CHRM3: variants seen among roughly 807,000 people sequenced by gnomAD.
CHRM3 encodes muscarinic acetylcholine receptor M3.
A neutral mutation model predicts 41.8 loss-of-function variants in CHRM3; 11 were observed. The ratio of observed to expected loss-of-function variants is 0.26; its 90% confidence interval spans 0.17 to 0.44. The LOEUF is 0.44. CHRM3 is among the 20% of genes least tolerant of loss of function. The probability of loss-of-function intolerance (pLI) is 1.00; values close to 1 mark genes in which losing one functional copy is unlikely to be tolerated. For missense variants in CHRM3, 571 were observed against 745.4 expected, an observed-to-expected ratio of 0.77 and a Z score of 2.72; for synonymous variants, 297 against 301.4, an observed-to-expected ratio of 0.99 and a Z score of 0.15.
At chr1:239,690,365 G>A (rs942184582) in intron 5 of CHRM3, among the ~76,000 whole-genome samples, 16 of 151,884 alleles carry the variant, frequency 1.1e-4, no homozygotes, top group South Asian at 4.2e-4. Flanking sequence ...GGCTACAGGC[G>A]TGCACCACCA....
At chr1:239,528,822 G>A (rs933948597) in intron 2 of CHRM3, among the ~76,000 whole-genome samples, 1 of 151,178 alleles carries the variant, frequency 6.6e-6, no homozygotes, top group Non-Finnish European at 1.5e-5. Context: ...GAACCTGGGA[G>A]GCGGAAGTTG....
chr1:239,904,308 C>A (rs942759043), intron 6 of CHRM3, among the ~76,000 whole-genome samples: 2 of 152,176 alleles, frequency 1.3e-5, no homozygotes, highest in Non-Finnish European at 2.9e-5. Context: ...CTAAAGAGGA[C>A]CAAATGCCAC....
intron 5 of CHRM3, among the ~76,000 whole-genome samples, chr1:239,815,686 C>A (rs1671518814): frequency 6.6e-6 from 1 of 152,218 alleles, no homozygotes; most frequent in South Asian, 2.1e-4. Context: ...TGGTAACCAA[C>A]TCAAATGCAA....
intron 4 of CHRM3, among the ~76,000 whole-genome samples, chr1:239,676,922 G>T (rs1658059197): frequency 1.3e-5 from 2 of 152,184 alleles, no homozygotes; most frequent in African/African-American, 4.8e-5. Flanking sequence ...GCATAAGTTT[G>T]ATTTTCCTCC....
chr1:239,773,262 C>T (rs989421818), intron 5 of CHRM3, among the ~76,000 whole-genome samples: 3 of 152,004 alleles, frequency 2.0e-5, no homozygotes, highest in African/African-American at 7.2e-5. Flanking sequence ...CAACACAAAC[C>T]AAAGCTTTTT....
chr1:239,844,445 C>T (rs1276109902), intron 6 of CHRM3, among the ~76,000 whole-genome samples: 4 of 152,030 alleles, frequency 2.6e-5, no homozygotes, highest in African/African-American at 9.7e-5. Context: ...GATAGCACAC[C>T]CCATCTCCAC....
chr1:239,847,221 A>G (rs1422343382), intron 6 of CHRM3, among the ~76,000 whole-genome samples: 4 of 152,264 alleles, frequency 2.6e-5, no homozygotes, highest in African/African-American at 9.6e-5. Flanking sequence ...ACTTCCTTTT[A>G]TTTCTCATTC....
chr1:239,636,305 A>G (rs972005072), intron 4 of CHRM3, among the ~76,000 whole-genome samples: 3 of 152,246 alleles, frequency 2.0e-5, no homozygotes, highest in Admixed American at 6.5e-5. Context: ...AGTAACAAAC[A>G]TTCCAGATAA....
intron 5 of CHRM3, among the ~76,000 whole-genome samples, chr1:239,721,582 A>G (rs1662973631): frequency 6.6e-6 from 1 of 151,990 alleles, no homozygotes; most frequent in Non-Finnish European, 1.5e-5. Flanking sequence ...ATTTTAATGA[A>G]GTACAGAAGA....
chr1:239,803,298 G>A (rs1395616989), intron 5 of CHRM3, among the ~76,000 whole-genome samples: 1 of 152,106 alleles, frequency 6.6e-6, no homozygotes, highest in Non-Finnish European at 1.5e-5. Flanking sequence ...TACATTCGGA[G>A]ACCACTTTCC....
intron 5 of CHRM3, among the ~76,000 whole-genome samples, chr1:239,723,486 A>T (rs1043492277): frequency 1.3e-5 from 2 of 151,924 alleles, no homozygotes; most frequent in Non-Finnish European, 2.9e-5. Flanking sequence ...TAATGGGTCA[A>T]TAAGGGTTGC....
intron 6 of CHRM3, among the ~76,000 whole-genome samples, chr1:239,862,635 G>T (rs1675731958): frequency 6.6e-6 from 1 of 152,292 alleles, no homozygotes; most frequent in Admixed American, 6.5e-5. Flanking sequence ...GATAGTTATT[G>T]ATTTGATTTC....
intron 2 of CHRM3, among the ~76,000 whole-genome samples, chr1:239,512,594 C>G (rs1180206320): frequency 6.6e-6 from 1 of 151,990 alleles, no homozygotes; most frequent in African/African-American, 2.4e-5. Flanking sequence ...TCCTTCCTTC[C>G]TTGTACCCTT....
At chr1:239,878,387 A>G (rs1388202733) in intron 6 of CHRM3, among the ~76,000 whole-genome samples, 1 of 152,010 alleles carries the variant, frequency 6.6e-6, no homozygotes. Context: ...TGAAAATCCA[A>G]TGCTGCTGCT....
intron 2 of CHRM3, among the ~76,000 whole-genome samples, chr1:239,500,321 G>A (rs529894095): frequency 5.3e-5 from 8 of 152,038 alleles, no homozygotes; most frequent in South Asian, 2.1e-4. Context: ...TTGCAGGGAC[G>A]TGGATGAAGT....
At chr1:239,532,820 C>A (rs1175756952) in intron 2 of CHRM3, among the ~76,000 whole-genome samples, 1 of 152,060 alleles carries the variant, frequency 6.6e-6, no homozygotes, top group Non-Finnish European at 1.5e-5. Flanking sequence ...GCATAATCAC[C>A]TCTAAGGAAA....
intron 4 of CHRM3, among the ~76,000 whole-genome samples, chr1:239,646,011 C>T (rs1463586299): frequency 6.6e-6 from 1 of 151,962 alleles, no homozygotes; most frequent in African/African-American, 2.4e-5. Context: ...AAACAACATG[C>T]ACAATACATG....
intron 3 of CHRM3, among the ~76,000 whole-genome samples, chr1:239,599,653 A>C (rs1665267717): frequency 6.6e-6 from 1 of 152,190 alleles, no homozygotes; most frequent in Admixed American, 6.5e-5. Flanking sequence ...TGATAAGTCA[A>C]AAATGCATTT....
intron 2 of CHRM3, among the ~76,000 whole-genome samples, chr1:239,540,378 C>G (rs1305278209): frequency 6.6e-6 from 1 of 152,090 alleles, no homozygotes; most frequent in African/African-American, 2.4e-5. Context: ...TCAGAGAAAA[C>G]TTCACTTCAG....
Sources: allele counts gnomAD v4.1 joint callset (sites outside exome capture counted in the v4.1 genomes callset), GRCh38; gene constraint gnomAD v4.1.1; transcripts MANE v1.5; gene names NCBI Gene and HGNC (gene_info 2026-07-23, HGNC 2026-07-21).